EPB41L3: variants seen among roughly 807,000 people sequenced by gnomAD.
EPB41L3 encodes erythrocyte membrane protein band 4.1 like 3.
EPB41L3 carries 57 observed loss-of-function variants against 127.1 expected under a neutral mutation model. The observed-to-expected ratio is 0.45, with a 90% confidence interval of 0.36 to 0.56. The LOEUF (loss-of-function observed/expected upper bound fraction) is 0.56. Ranked by LOEUF, EPB41L3 falls within the 20% of genes least tolerant of loss-of-function variation. The probability of loss-of-function intolerance (pLI) is 0.00; values close to 1 mark genes in which losing one functional copy is unlikely to be tolerated. For synonymous variants in EPB41L3, 572 were observed against 549.5 expected (o/e 1.04, Z -0.57); for missense variants, 1,273 against 1,372.2 (o/e 0.93, Z 1.14).
chr18:5,627,995 A>G (rs73937193), intron 1 of EPB41L3, among the ~76,000 whole-genome samples: 18,690 of 152,212 alleles, frequency 0.12, 1,284 homozygotes, highest in Admixed American at 0.15. Context: ...CAGTAAGGGA[A>G]AGTGAAGACG....
At chr18:5,481,252 C>T (rs945090079) in intron 2 of EPB41L3, among the ~76,000 whole-genome samples, 27 of 152,186 alleles carry the variant, frequency 1.8e-4, no homozygotes, top group Non-Finnish European at 3.2e-4. Flanking sequence ...CATCCCTCCA[C>T]AGAAAACCTA....
intron 1 of EPB41L3, among the ~76,000 whole-genome samples, chr18:5,499,635 C>T (rs916546160): frequency 1.1e-4 from 17 of 151,644 alleles, no homozygotes; most frequent in African/African-American, 1.9e-4. Flanking sequence ...GGCGTGGTGG[C>T]GGGCGCCTGT....
At chr18:5,630,338 C>G, upstream of EPB41L3, 1 of 516,846 alleles carries the variant, frequency 1.9e-6, no homozygotes, top group Non-Finnish European at 3.9e-6. Flanking sequence ...GCGGCGCTCC[C>G]GGCCTACGCC....
chr18:5,538,779 T>C (rs1190165560), intron 1 of EPB41L3, among the ~76,000 whole-genome samples: 1 of 152,156 alleles, frequency 6.6e-6, no homozygotes, highest in Non-Finnish European at 1.5e-5. Flanking sequence ...CCTGCAGTTC[T>C]TCCCTCAAAG....
chr18:5,392,653 G>A lies in EPB41L3; in HGVS notation c.*832C>T, dbSNP rs2072604228. 1 of 152,484 alleles carries A rather than the reference G, an allele frequency of 6.6e-6. No homozygotes were observed. The highest frequency in any genetic ancestry group is 2.1e-4 in the South Asian group (1 of 4,818). The allele number at this position is 152,484 out of a possible 1,614,324, so 9.4% of individuals were successfully genotyped here. A position where few individuals can be genotyped will look rare whatever the true frequency, so the allele number is the denominator to read the frequency against. ...TTAAAAAATACACGGCACGGAAAAAGTAACTAAGAAAACAAAGCCACAGGA... is the reference window on the plus strand; with the variant it reads ...TTAAAAAATACACGGCACGGAAAAAATAACTAAGAAAACAAAGCCACAGGA... On this transcript the variant is annotated 3_prime_UTR_variant, in exon 23 of 23. Transcript: ENST00000341928.
At chr18:5,511,391 G>GTTTTTT (rs1190047630) in intron 1 of EPB41L3, among the ~76,000 whole-genome samples, 1,189 of 59,948 alleles carry the variant, frequency 0.02, 32 homozygotes, top group East Asian at 0.025. Flanking sequence ...AGGTATTTTG[G>GTTTTTT]TTTTTTTTTT....
intron 9 of EPB41L3, among the ~76,000 whole-genome samples, chr18:5,425,766 C>T (rs1267502990): frequency 6.6e-6 from 1 of 152,124 alleles, no homozygotes; most frequent in Admixed American, 6.5e-5. Context: ...TCTCTCTGAG[C>T]CTGCTTATGC....
At chr18:5,410,146 T>A (rs374823122) in intron 14 of EPB41L3, among the ~76,000 whole-genome samples, 1 of 152,118 alleles carries the variant, frequency 6.6e-6, no homozygotes, top group Non-Finnish European at 1.5e-5. Context: ...AAAATACTAG[T>A]TAATTGTGAC....
At chr18:5,574,652 T>C (rs542832524) in intron 3 of EPB41L3, among the ~76,000 whole-genome samples, 102 of 152,288 alleles carry the variant, frequency 6.7e-4, no homozygotes, top group African/African-American at 2.4e-3. Flanking sequence ...AGGCTCTGCC[T>C]ATGTGACCTG....
intron 8 of EPB41L3, 146 bp from the exon 9 acceptor site, chr18:5,428,611 A>T: frequency 1.1e-6 from 1 of 902,716 alleles, no homozygotes; most frequent in Non-Finnish European, 1.7e-6. Context: ...AAACATTACC[A>T]TTAAACATTA....
At chr18:5,607,573 C>A (rs2094674600) in intron 3 of EPB41L3, among the ~76,000 whole-genome samples, 1 of 152,108 alleles carries the variant, frequency 6.6e-6, no homozygotes, top group South Asian at 2.1e-4. Context: ...ATAACAAGAG[C>A]TGAAAATCTA....
Position 5,608,888 on chromosome 18 carries a change from C to T in EPB41L3, c.-306+3452G>A, listed in dbSNP as rs532131132. Among the ~76,000 whole-genome samples the T allele has an allele frequency of 7.2e-5, 11 of 152,210 alleles. No homozygotes were observed. The South Asian group carries it at 8.3e-4, about 11-fold the overall frequency. On this transcript the variant is annotated intron_variant, in intron 3 of 21. Coordinates refer to the EPB41L3 transcript ENST00000545076. Reference sequence around the variant, plus strand: ...ATAATTGTGTCGAATCAACAGCTCACGGCTCAACAGATTAAACTCAAATGA... The same window carrying T: ...ATAATTGTGTCGAATCAACAGCTCATGGCTCAACAGATTAAACTCAAATGA...
Position 5,416,356 on chromosome 18 carries a change from G to A in EPB41L3, c.1529C>T (p.Ser510Leu), listed in dbSNP as rs564665638. ...EGKSPGLGTDSCPLSPPSTHC... is the reference protein window; with the variant it reads ...EGKSPGLGTDLCPLSPPSTHC... ...GGTGGATGGGGGTGACAAGGGACATGAGTCAGTGCCAAGCCCAGGTGACTG... is the reference window on the plus strand; with the variant it reads ...GGTGGATGGGGGTGACAAGGGACATAAGTCAGTGCCAAGCCCAGGTGACTG... Residue 510 changes from serine to leucine, a missense_variant, in exon 13 of 23, where the codon TCA becomes TTA. Ser to Leu is a moderately radical substitution (Grantham distance 145). This residue lies in a region of EPB41L3 where 765 missense variants were observed against 782.9 expected (regional missense o/e 0.98). Transcript: ENST00000341928. 8.4e-5 allele frequency: 135 copies of A among 1,613,532 alleles called. No individual in the cohort carries two copies. The South Asian group carries it at 1.2e-3, about 15-fold the overall frequency.
chr18:5,561,113 G>T lies in EPB41L3; in HGVS notation c.-306+51227C>A, dbSNP rs573758738. 2.0e-5 allele frequency among the ~76,000 whole-genome samples: 3 copies of T among 148,848 alleles called. 1 individual carries two copies. Among genetic ancestry groups the T allele is most frequent in the African/African-American group, 7.4e-5 (3 of 40,380 alleles). ...CTGCCTCAGCCTCCCGAGTAGCTGG[G>T]ACTACAGGCGCCCGCCACTACGCCC... On this transcript the variant is annotated intron_variant, in intron 3 of 21. Coordinates refer to the EPB41L3 transcript ENST00000545076.
At chr18:5,594,960 T>C (rs1451484717) in intron 3 of EPB41L3, among the ~76,000 whole-genome samples, 1 of 152,218 alleles carries the variant, frequency 6.6e-6, no homozygotes, top group Non-Finnish European at 1.5e-5. Flanking sequence ...TATAAGGCAA[T>C]GCCTTATGAG....
chr18:5,405,325 C>CTT (rs2075190644), intron 16 of EPB41L3, among the ~76,000 whole-genome samples: 1 of 152,118 alleles, frequency 6.6e-6, no homozygotes, highest in South Asian at 2.1e-4. Context: ...CAGATATTTC[C>CTT]CCATAAAGTG....
chr18:5,497,839 G>C (rs1306172501), intron 1 of EPB41L3, among the ~76,000 whole-genome samples: 2 of 152,252 alleles, frequency 1.3e-5, no homozygotes, highest in African/African-American at 2.4e-5. Context: ...CTCTTGAGTA[G>C]AGAATGTGCT....
At chr18:5,584,142 C>T (rs1386050865) in intron 3 of EPB41L3, among the ~76,000 whole-genome samples, 1 of 152,172 alleles carries the variant, frequency 6.6e-6, no homozygotes, top group Non-Finnish European at 1.5e-5. Flanking sequence ...ATGTTTCTGA[C>T]CTGGGCTCCA....
chr18:5,524,347 C>T (rs975710440), intron 1 of EPB41L3, among the ~76,000 whole-genome samples: 3 of 152,078 alleles, frequency 2.0e-5, no homozygotes, highest in African/African-American at 2.4e-5. Flanking sequence ...GCACCTGCCA[C>T]CACGCCTGGC....
Sources: allele counts gnomAD v4.1 joint callset (sites outside exome capture counted in the v4.1 genomes callset), GRCh38; gene constraint gnomAD v4.1.1; regional missense constraint gnomAD v4.1.1; transcripts MANE v1.5; gene names NCBI Gene and HGNC (gene_info 2026-07-23, HGNC 2026-07-21).